Variants in GPC5 observed in about 807,000 individuals in gnomAD.
The protein encoded by GPC5 is glypican-5.
A neutral mutation model predicts 53.9 loss-of-function variants in GPC5; 47 were observed. The observed-to-expected ratio is 0.87, with a 90% CI of 0.69 to 1.11. The LOEUF (loss-of-function observed/expected upper bound fraction) is 1.11, where lower values mean the gene tolerates loss of function less well. Ranked by LOEUF, GPC5 falls within the 50% of genes most tolerant of loss-of-function variation. GPC5 has a pLI of 0.00. For missense variants in GPC5, 748 were observed against 713.1 expected (o/e 1.05, Z -0.56); for synonymous variants, 286 against 263.3 (o/e 1.09, Z -0.84).
intron 7 of GPC5, among the ~76,000 whole-genome samples, chr13:92,237,174 G>C (rs897883202): frequency 3.3e-5 from 5 of 151,984 alleles, no homozygotes; most frequent in African/African-American, 7.3e-5. Flanking sequence ...ATTGTCTTTT[G>C]CTAATAATAA....
At chr13:92,283,964 G>A (rs1243129068) in intron 7 of GPC5, among the ~76,000 whole-genome samples, 8 of 152,148 alleles carry the variant, frequency 5.3e-5, no homozygotes, top group Non-Finnish European at 1.0e-4. Context: ...CTGGTTTTTT[G>A]AAAAGATCAA....
chr13:92,216,954 G>A (rs115253645), intron 7 of GPC5, among the ~76,000 whole-genome samples: 90 of 149,852 alleles, frequency 6.0e-4, no homozygotes, highest in African/African-American at 2.2e-3. Flanking sequence ...GCTCCAGCCT[G>A]GGCGATAGAG....
intron 7 of GPC5, among the ~76,000 whole-genome samples, chr13:92,410,513 G>A (rs1875995773): frequency 6.6e-6 from 1 of 152,126 alleles, no homozygotes. Flanking sequence ...TGAAAGCATT[G>A]CACAGAACTT....
chr13:91,612,317 C>T (rs982248720), intron 2 of GPC5, among the ~76,000 whole-genome samples: 6 of 152,118 alleles, frequency 3.9e-5, no homozygotes, highest in Non-Finnish European at 8.8e-5. Flanking sequence ...ATTATAAAAC[C>T]TGCCATCATC....
intron 7 of GPC5, among the ~76,000 whole-genome samples, chr13:92,787,840 G>A (rs1342978610): frequency 1.4e-5 from 2 of 146,364 alleles, no homozygotes; most frequent in Non-Finnish European, 3.0e-5. Context: ...TTGCACCGCT[G>A]TACTCTGCCC....
chr13:91,932,366 A>G (rs2039830057), intron 6 of GPC5, among the ~76,000 whole-genome samples: 1 of 152,076 alleles, frequency 6.6e-6, no homozygotes, highest in African/African-American at 2.4e-5. Flanking sequence ...TCTGACCTCC[A>G]GAGTGCAGAC....
intron 7 of GPC5, among the ~76,000 whole-genome samples, chr13:92,624,272 G>A (rs1278449631): frequency 6.6e-6 from 1 of 151,996 alleles, no homozygotes; most frequent in Non-Finnish European, 1.5e-5. Context: ...GTTTTGCCCT[G>A]TTGGCCAGGC....
rs544636287 is a variant in GPC5, at chr13:92,166,633, A to G, written c.1561+21644A>G. The stretch of plus-strand genomic sequence containing the variant: ...GGTGACTCCATAAGACTGTATTGCC[A>G]TTGACTGTTTACAGGTTTGTGCTTG... On this transcript the variant is annotated intron_variant, in intron 7 of 7. Transcript: ENST00000377067. Among the ~76,000 whole-genome samples, 23 of 152,254 alleles carry G rather than the reference A, an allele frequency of 1.5e-4. 1 individual carries two copies. The South Asian group carries it at 4.8e-3, about 32-fold the overall frequency.
intron 5 of GPC5, among the ~76,000 whole-genome samples, chr13:91,770,667 T>A (rs898272589): frequency 6.6e-6 from 1 of 151,152 alleles, no homozygotes; most frequent in Non-Finnish European, 1.5e-5. Context: ...GTCGCCGCTT[T>A]AGGAGCTCTG....
chr13:92,104,472 G>C (rs1043878266), intron 6 of GPC5, among the ~76,000 whole-genome samples: 3 of 152,078 alleles, frequency 2.0e-5, no homozygotes, highest in Non-Finnish European at 4.4e-5. Flanking sequence ...CTAACAACTT[G>C]AATATGTTTT....
chr13:92,466,457 T>C (rs1297081391), intron 7 of GPC5, among the ~76,000 whole-genome samples: 1 of 152,080 alleles, frequency 6.6e-6, no homozygotes, highest in Non-Finnish European at 1.5e-5. Context: ...TCAATTCATT[T>C]CTAAATAGCT....
intron 6 of GPC5, chr13:91,996,615 C>CT (rs1199409413): frequency 6.6e-6 from 1 of 152,188 alleles, no homozygotes; most frequent in Admixed American, 6.5e-5. Context: ...GTAACTGCCA[C>CT]TTAAGTCATG....
chr13:92,139,522 C>T (rs2041812977), intron 6 of GPC5, among the ~76,000 whole-genome samples: 1 of 151,966 alleles, frequency 6.6e-6, no homozygotes, highest in Non-Finnish European at 1.5e-5. Context: ...AAAAAATTAG[C>T]CAGACATGGT....
rs1566568028 is a variant in GPC5, at chr13:92,385,656, T to TATATACAC, written c.1561+240672_1561+240673insCACATATA. 1.3e-4 allele frequency among the ~76,000 whole-genome samples: 18 copies of TATATACAC among 142,896 alleles called. No individual in the cohort carries two copies. In the South Asian group the frequency reaches 2.8e-3, roughly 22 times the overall value. The allele number at this position is 142,896 out of a possible 152,430, so 93.7% of individuals were successfully genotyped here. ...ATACATATATACCTATATACACATA[T>TATATACAC]ATATATACATATATACATATATACA... On this transcript the variant is annotated intron_variant, in intron 7 of 7. Coordinates refer to ENST00000377067, the MANE Select transcript of GPC5 (RefSeq NM_004466.6).
intron 6 of GPC5, among the ~76,000 whole-genome samples, chr13:92,092,028 G>GCTAT (rs1339395329): frequency 2.0e-5 from 3 of 152,108 alleles, no homozygotes; most frequent in Non-Finnish European, 4.4e-5. Context: ...TATCTAGCTA[G>GCTAT]CTATGTGGAT....
chr13:92,837,993 G>T (rs1341794393), intron 7 of GPC5, among the ~76,000 whole-genome samples: 1 of 151,936 alleles, frequency 6.6e-6, no homozygotes, highest in Non-Finnish European at 1.5e-5. Flanking sequence ...TACTCAGGAG[G>T]CTAAGGCAGG....
chr13:91,474,668 CA>C (rs373452938), intron 2 of GPC5, among the ~76,000 whole-genome samples: 2 of 151,578 alleles, frequency 1.3e-5, no homozygotes, highest in African/African-American at 4.8e-5. Context: ...GTAAGTGCTA[CA>C]AAAAAAACCA....
chr13:92,136,772 T>C (rs1301200376), intron 6 of GPC5, among the ~76,000 whole-genome samples: 2 of 152,246 alleles, frequency 1.3e-5, no homozygotes, highest in Admixed American at 6.5e-5. Context: ...CCAGATCTTA[T>C]TGCAAGTGTT....
At chr13:91,662,566 T>A (rs1381074559) in intron 2 of GPC5, among the ~76,000 whole-genome samples, 1 of 152,224 alleles carries the variant, frequency 6.6e-6, no homozygotes, top group Non-Finnish European at 1.5e-5. Flanking sequence ...ATCTAAGTAA[T>A]AAATCTCTTA....
Sources: gnomAD v4.1 joint callset for allele counts (sites outside exome capture counted in the v4.1 genomes callset) on GRCh38, gnomAD v4.1.1 for gene constraint, MANE v1.5 for transcripts, NCBI Gene and HGNC (gene_info 2026-07-23, HGNC 2026-07-21) for gene names.